Variants in CENPF observed in about 807,000 individuals in gnomAD.
CENPF encodes AH antigen.
Under a neutral mutation model 307.3 loss-of-function variants are expected in CENPF, and 214 were observed. The observed-to-expected ratio is 0.70, with a 90% CI of 0.62 to 0.78. The LOEUF is 0.78. CENPF is among the 30% of genes least tolerant of loss of function. CENPF has a pLI of 0.00. For missense variants in CENPF, 3,401 were observed against 3,483.9 expected (o/e 0.98, Z 0.60); for synonymous variants, 1,259 against 1,270.6 (o/e 0.99, Z 0.19).
At chr1:214,621,184 GTTGAGAGGCT>G (rs1460403788) in intron 6 of CENPF, among the ~76,000 whole-genome samples, 1 of 152,186 alleles carries the variant, frequency 6.6e-6, no homozygotes, top group African/African-American at 2.4e-5. Context: ...TCTAAAGTAC[GTTGAGAGGCT>G]TTGATTTATC....
chr1:214,637,718 G>A (rs1309098942), intron 10 of CENPF, 148 bp from the exon 11 acceptor site: 1 of 667,438 alleles, frequency 1.5e-6, no homozygotes, highest in African/African-American at 1.9e-5. Flanking sequence ...AAGAATGTCT[G>A]ACTTCATTAG....
intron 7 of CENPF, among the ~76,000 whole-genome samples, chr1:214,623,623 T>C (rs1657575101): frequency 6.6e-6 from 1 of 152,170 alleles, no homozygotes. Context: ...CTCTTTTTTC[T>C]ATTACTCATT....
rs368399001 is a variant in CENPF, at chr1:214,620,958, C to T, written c.865+12C>T. 93 of 1,582,776 alleles carry T rather than the reference C, an allele frequency of 5.9e-5. No individual in the cohort carries two copies. Among genetic ancestry groups the T allele is most frequent in the Non-Finnish European group, 7.7e-5 (90 of 1,166,418 alleles). The stretch of plus-strand genomic sequence containing the variant: ...AGCGCAGAATCAAGGTAACATTGAG[C>T]TAAGTTAAGTTTAAATTCACTTTGC... On this transcript the variant is annotated intron_variant, in intron 6 of 19. Transcript: ENST00000366955.
rs1251205870 is a variant in CENPF at position 214,644,888 on chromosome 1, A to C, written c.5318A>C (p.Gln1773Pro). ...AATCAGGAAGATATCCATAATCTTC[A>C]ACTGCGGGTAAAAGAGACATCAAAT... ...LGNQEDIHNLQLRVKETSNEN... is the reference protein window; with the variant it reads ...LGNQEDIHNLPLRVKETSNEN... The change falls in exon 13 of 20, where the codon CAA (glutamine) becomes CCA (proline). Residue 1773 changes from glutamine to proline, a missense_variant. Coordinates refer to ENST00000366955, the MANE Select transcript of CENPF (RefSeq NM_016343.4). The C allele has an allele frequency of 1.2e-6, 2 of 1,614,102 alleles. No homozygotes were observed.
Position 214,646,357 on chromosome 1 carries a change from A to T in CENPF, c.6787A>T (p.Asn2263Tyr). ...ESKTAVEMLQ[N>Y]QLKELNEAVA... is the part of the protein sequence containing the mutation. ...TAAAACTGCAGTGGAGATGCTTCAG[A>T]ATCAGTTAAAGGAGCTAAATGAGGC... Residue 2263 changes from asparagine (N) to tyrosine (Y), a missense_variant, in exon 13 of 20, where the codon AAT becomes TAT. Physicochemically the swap from Asn to Tyr is moderately radical, Grantham distance 143. Transcript: ENST00000366955. The T allele has an allele frequency of 6.2e-7, 1 of 1,614,018 alleles. No homozygotes were observed. The highest frequency in any genetic ancestry group is 1.7e-5 in the Admixed American group (1 of 59,980).
At chr1:214,604,855 AC>A (rs1249707224) in intron 1 of CENPF, among the ~76,000 whole-genome samples, 8 of 152,184 alleles carry the variant, frequency 5.3e-5, no homozygotes, top group African/African-American at 1.9e-4. Flanking sequence ...AGAAAAAAAA[AC>A]AAAACTGGTA....
chr1:214,645,497 C>A lies in CENPF; in HGVS notation c.5927C>A (p.Ala1976Glu), dbSNP rs1658265937. 2.5e-6 allele frequency: 4 copies of A among 1,613,880 alleles called. No individual in the cohort carries two copies. The highest frequency in any genetic ancestry group is 1.6e-4 in the Middle Eastern group (1 of 6,084). The change falls in exon 13 of 20, where the codon GCA becomes GAA. Residue 1976 changes from alanine (A) to glutamate (E), a missense_variant. Transcript: ENST00000366955. Reference sequence around the variant, plus strand: ...GATACTATGTCAAAAAAAACCACGGCACTGGATCAGTTGTCTGAAAAAATG... The same window carrying A: ...GATACTATGTCAAAAAAAACCACGGAACTGGATCAGTTGTCTGAAAAAATG... ...ELDTMSKKTT[A>E]LDQLSEKMKE...
In CENPF at chr1:214,640,161, A is replaced by G. The variant is rs754029753; in HGVS notation, c.1823A>G (p.Glu608Gly). The change falls in exon 12 of 20, where the codon GAA becomes GGA. Residue 608 changes from glutamate to glycine, a missense_variant. Physicochemically the swap from Glu to Gly is moderately conservative, Grantham distance 98. Transcript: ENST00000366955. ...AGTGCTTTAGAGTTAAAAAAGAAAG[A>G]ATATGAAGAATTGAAAGAAGAGAAA... Reference protein sequence around the residue: ...LLSALELKKKEYEELKEEKTL... With the variant: ...LLSALELKKKGYEELKEEKTL... 1.9e-6 allele frequency: 3 copies of G among 1,588,106 alleles called. No homozygotes were observed. The highest frequency in any genetic ancestry group is 2.2e-5 in the East Asian group (1 of 44,806).
At chr1:214,623,996 TACTTAAA>T (rs1558174695) in intron 7 of CENPF, among the ~76,000 whole-genome samples, 2 of 152,004 alleles carry the variant, frequency 1.3e-5, no homozygotes, top group East Asian at 3.9e-4. Context: ...TTCATTTGTT[TACTTAAA>T]ACTTTTATTT....
rs770782859 is a variant in CENPF at position 214,644,859 on chromosome 1, G to A, written c.5289G>A (p.Leu1763=). The A allele has an allele frequency of 6.2e-7, 1 of 1,613,858 alleles. No individual in the cohort carries two copies. The highest frequency in any genetic ancestry group is 1.3e-5 in the African/African-American group (1 of 74,860). Residue 1763 remains leucine, a synonymous_variant, in exon 13 of 20, where the codon CTG becomes CTA. Coordinates refer to ENST00000366955, the MANE Select transcript of CENPF (RefSeq NM_016343.4). The part of the protein sequence containing the change: ...GPNALVPMDF[L]GNQEDIHNLQ... ...ATGCTTTGGTACCTATGGATTTCCT[G>A]GGGAATCAGGAAGATATCCATAATC...
intron 1 of CENPF, chr1:214,605,967 G>C: frequency 2.5e-6 from 4 of 1,597,304 alleles, no homozygotes; most frequent in Non-Finnish European, 3.4e-6. Flanking sequence ...CCCGAGGTGA[G>C]CGGCGAATGC....
chr1:214,625,709 C>G (rs541660264), intron 7 of CENPF, among the ~76,000 whole-genome samples: 25 of 151,256 alleles, frequency 1.7e-4, no homozygotes, highest in African/African-American at 6.1e-4. Context: ...TTTGATTTGT[C>G]TATATATTTT....
chr1:214,618,742 G>A, intron 4 of CENPF, 48 bp downstream of exon 4: 1 of 1,546,364 alleles, frequency 6.5e-7, no homozygotes, highest in Non-Finnish European at 8.8e-7. Context: ...TTTAGCTTGA[G>A]ATTTTAATTC....
rs747617883 is a variant in CENPF at position 214,641,770 on chromosome 1, G to T, written c.3432G>T (p.Lys1144Asn). The T allele has an allele frequency of 6.3e-6, 10 of 1,587,920 alleles. No individual in the cohort carries two copies. The highest frequency in any genetic ancestry group is 8.5e-6 in the Non-Finnish European group (10 of 1,172,262). Residue 1144 changes from lysine to asparagine, a missense_variant, in exon 12 of 20, where the codon AAG (lysine) becomes AAT (asparagine). By Grantham distance (94) the Lys-to-Asn change is moderately conservative. Coordinates refer to ENST00000366955, the MANE Select transcript of CENPF (RefSeq NM_016343.4). ...TLKEEQNKMQ[K>N]EVNDLLQENE... is the part of the protein sequence containing the mutation. ...AGGAAGAACAAAACAAAATGCAAAAGGAAGTTAATGACTTATTACAAGAGA... is the reference window on the plus strand; with the variant it reads ...AGGAAGAACAAAACAAAATGCAAAATGAAGTTAATGACTTATTACAAGAGA...
rs775386949 is a variant in CENPF at position 214,663,676 on chromosome 1, C to A, written c.9227C>A (p.Pro3076His). The change falls in exon 20 of 20, where the codon CCT (proline) becomes CAT (histidine). Residue 3076 changes from proline (P) to histidine (H), a missense_variant. Physicochemically the swap from Pro to His is moderately conservative, Grantham distance 77. Transcript: ENST00000366955. ...AAATCCGTCCCAGTCAATAATCTTC[C>A]TGAGAGAAGTCCGACTGACAGCCCC... is the stretch of plus-strand genomic sequence containing the variant. Reference protein sequence around the residue: ...TTKSVPVNNLPERSPTDSPRE... With the variant: ...TTKSVPVNNLHERSPTDSPRE... 7.4e-6 allele frequency: 12 copies of A among 1,614,048 alleles called. No homozygotes were observed. Among genetic ancestry groups the A allele is most frequent in the Admixed American group, 1.7e-5 (1 of 60,018 alleles).
At chr1:214,605,889 C>T (rs1449658006) in intron 1 of CENPF, 1 of 1,597,392 alleles carries the variant, frequency 6.3e-7, no homozygotes, top group East Asian at 2.2e-5. Context: ...ATCTTGGACA[C>T]CTTCTCGATG....
rs778167124 is a variant in CENPF at position 214,640,639 on chromosome 1, A to T, written c.2301A>T (p.Leu767=). The change falls in exon 12 of 20, where the codon CTA becomes CTT. Residue 767 remains leucine (L), a synonymous_variant. Coordinates refer to ENST00000366955, the MANE Select transcript of CENPF (RefSeq NM_016343.4). ...AATATGAGAGCCTCAGGGATCTGCT[A>T]AAATCCAAAGATGCTTCTCTGGTGA... The part of the protein sequence containing the change: ...HAEYESLRDL[L]KSKDASLVTN... 18 of 1,614,150 alleles carry T rather than the reference A, an allele frequency of 1.1e-5. No homozygotes were observed. The highest frequency in any genetic ancestry group is 1.5e-5 in the Non-Finnish European group (18 of 1,180,006).
chr1:214,641,703 A>G lies in CENPF; in HGVS notation c.3365A>G (p.Lys1122Arg), dbSNP rs1658121439. ...SEMTDNQNNS[K>R]SEAGGLKQEI... ...ATGACAGATAACCAAAACAATTCTAAGAGCGAGGCTGGTGGTTTAAAGCAA... is the reference window on the plus strand; with the variant it reads ...ATGACAGATAACCAAAACAATTCTAGGAGCGAGGCTGGTGGTTTAAAGCAA... The change falls in exon 12 of 20, where the codon AAG becomes AGG. Residue 1122 changes from lysine to arginine, a missense_variant. Lys to Arg is a conservative substitution (Grantham distance 26). Coordinates refer to ENST00000366955, the MANE Select transcript of CENPF (RefSeq NM_016343.4). 6.3e-7 allele frequency: 1 copy of G among 1,579,232 alleles called. No individual in the cohort carries two copies. The highest frequency in any genetic ancestry group is 8.6e-7 in the Non-Finnish European group (1 of 1,166,394).
chr1:214,640,535 G>A lies in CENPF; in HGVS notation c.2197G>A (p.Glu733Lys). Residue 733 changes from glutamate (E) to lysine (K), a missense_variant, in exon 12 of 20, where the codon GAA becomes AAA. Glu to Lys is a moderately conservative substitution (Grantham distance 56, BLOSUM62 1). Coordinates refer to ENST00000366955, the MANE Select transcript of CENPF (RefSeq NM_016343.4). ...GACTTCTCAGCTTACTGGGCAAGTT[G>A]AAGATCTAGAACACAAGCTTCAGTT... The part of the protein sequence containing the change: ...LKTSQLTGQV[E>K]DLEHKLQLLS... The A allele has an allele frequency of 6.2e-7, 1 of 1,614,152 alleles. No homozygotes were observed. The highest frequency in any genetic ancestry group is 1.1e-5 in the South Asian group (1 of 91,070).
Sources: gnomAD v4.1 joint callset for allele counts (sites outside exome capture counted in the v4.1 genomes callset) on GRCh38, gnomAD v4.1.1 for gene constraint, MANE v1.5 for transcripts, NCBI Gene and HGNC (gene_info 2026-07-23, HGNC 2026-07-21) for gene names.